CCDC66: variants seen among roughly 807,000 people sequenced by gnomAD.
CCDC66 encodes coiled-coil domain-containing protein 66.
Under a neutral mutation model 128.3 loss-of-function variants are expected in CCDC66, and 133 were observed. The ratio of observed to expected loss-of-function variants is 1.04; its 90% CI spans 0.90 to 1.20. CCDC66 has a LOEUF of 1.20. CCDC66 is among the 50% of genes most tolerant of loss of function. The pLI is 0.00. For missense variants in CCDC66, 1,126 were observed against 1,075.5 expected (o/e 1.05, Z -0.66); for synonymous variants, 387 against 357.0 (o/e 1.08, Z -0.95).
chr3:56,585,750 A>T (rs1311615323), intron 7 of CCDC66, among the ~76,000 whole-genome samples: 1 of 151,838 alleles, frequency 6.6e-6, no homozygotes, highest in Admixed American at 6.6e-5. Context: ...CCTAGACAAG[A>T]TGTTCATTTA....
intron 10 of CCDC66, among the ~76,000 whole-genome samples, chr3:56,605,016 A>C (rs1441452982): frequency 1.3e-5 from 2 of 151,926 alleles, no homozygotes; most frequent in Admixed American, 6.6e-5. Flanking sequence ...TATTTCATTA[A>C]GTTGATCTTC....
chr3:56,586,906 A>C (rs566894177), intron 7 of CCDC66, among the ~76,000 whole-genome samples: 3 of 151,760 alleles, frequency 2.0e-5, no homozygotes, highest in African/African-American at 7.2e-5. Context: ...AAACTAAAAA[A>C]TTAGCCGAGC....
chr3:56,617,059 A>G lies in CCDC66; in HGVS notation c.1844-53A>G, dbSNP rs1249208083. ...TTAATGTTTTGGGGAAAATTATTTA[A>G]TATTGAAAATTTTGTTTACAATTTT... is the stretch of plus-strand genomic sequence containing the variant. On this transcript the variant is annotated intron_variant, in intron 13 of 17. Transcript: ENST00000394672. 20 of 1,319,428 alleles carry G rather than the reference A, an allele frequency of 1.5e-5. No individual in the cohort carries two copies. In the Admixed American group the frequency reaches 3.6e-4, roughly 24 times the overall value. 81.7% of individuals were successfully genotyped at this position (1,319,428 alleles called of 1,614,324 possible). A position where few individuals can be genotyped will look rare whatever the true frequency, so the allele number is the denominator to read the frequency against.
At chr3:56,621,243 G>T in intron 17 of CCDC66, 1 of 229,954 alleles carries the variant, frequency 4.3e-6, no homozygotes, top group Non-Finnish European at 8.4e-6. Context: ...ACTTGGGGGT[G>T]GACTGGGGGA....
chr3:56,585,173 T>A (rs1012606111), intron 7 of CCDC66, among the ~76,000 whole-genome samples: 3 of 151,554 alleles, frequency 2.0e-5, no homozygotes, highest in Non-Finnish European at 4.4e-5. Context: ...AAGAGTTTTT[T>A]AAGAAAATAT....
intron 3 of CCDC66, 77 bp from the exon 4 acceptor site, chr3:56,563,607 T>G (rs2065418919): frequency 1.7e-6 from 2 of 1,202,726 alleles, no homozygotes; most frequent in Non-Finnish European, 2.3e-6. Context: ...GAGGACTGAT[T>G]TATCACAGAT....
At chr3:56,568,516 G>A (rs2066194405) in intron 6 of CCDC66, among the ~76,000 whole-genome samples, 1 of 152,162 alleles carries the variant, frequency 6.6e-6, no homozygotes, top group African/African-American at 2.4e-5. Flanking sequence ...CTTAGGTCGT[G>A]TCTTTTTGTT....
chr3:56,573,477 A>G (rs145436260), intron 7 of CCDC66, among the ~76,000 whole-genome samples: 2 of 152,366 alleles, frequency 1.3e-5, no homozygotes, highest in Non-Finnish European at 2.9e-5. Context: ...TACGTATTTA[A>G]TAAGCATAGA....
chr3:56,558,264 A>G (rs1266949005), intron 1 of CCDC66, among the ~76,000 whole-genome samples: 2 of 152,134 alleles, frequency 1.3e-5, no homozygotes, highest in African/African-American at 4.8e-5. Flanking sequence ...TAGGACCTTA[A>G]CAGACGTTCA....
At chr3:56,592,803 A>G (rs2071159489) in intron 7 of CCDC66, among the ~76,000 whole-genome samples, 167 bp from the exon 8 acceptor site, 1 of 152,206 alleles carries the variant, frequency 6.6e-6, no homozygotes, top group African/African-American at 2.4e-5. Flanking sequence ...GAATCAGAAT[A>G]TATCTACTTA....
intron 2 of CCDC66, 116 bp downstream of exon 2, chr3:56,559,026 A>G (rs1345006534): frequency 3.9e-6 from 3 of 764,564 alleles, no homozygotes; most frequent in Non-Finnish European, 4.1e-6. Flanking sequence ...TATTTTAGAA[A>G]AAGCTGTTTC....
chr3:56,618,062 T>C, intron 14 of CCDC66, 110 bp from the exon 15 acceptor site: 2 of 871,474 alleles, frequency 2.3e-6, no homozygotes, highest in Non-Finnish European at 3.8e-6. Context: ...TCAGTACCTG[T>C]TATTCAAATA....
chr3:56,615,552 A>C (rs906733171), intron 12 of CCDC66: 2 of 354,676 alleles, frequency 5.6e-6, no homozygotes, highest in Non-Finnish European at 1.0e-5. Flanking sequence ...ATGATTGCCT[A>C]TTTTTAATAC....
Position 56,577,921 on chromosome 3 carries a change from A to G in CCDC66, c.936+6619A>G, listed in dbSNP as rs923388498. On this transcript the variant is annotated intron_variant, in intron 7 of 17. Coordinates refer to ENST00000394672, the MANE Select transcript of CCDC66 (RefSeq NM_001141947.3). ...ATTTGGGCTGTTTTTTGATTCCATA[A>G]GAAATTTAAAGTAGTTTTTTCCAAT... Among the ~76,000 whole-genome samples, 26 of 151,726 alleles carry G rather than the reference A, an allele frequency of 1.7e-4. 1 individual carries two copies. The highest frequency in any genetic ancestry group is 1.5e-3 in the Admixed American group (23 of 15,090).
At position 56,566,689 on chromosome 3, in the gene CCDC66, C is replaced by A; in HGVS notation, c.640C>A (p.Pro214Thr). 1 of 1,612,968 alleles carries A rather than the reference C, an allele frequency of 6.2e-7. No homozygotes were observed. The highest frequency in any genetic ancestry group is 8.5e-7 in the Non-Finnish European group (1 of 1,179,132). ...FKKTEMVSSVPAENKSVLNEH... is the reference protein window; with the variant it reads ...FKKTEMVSSVTAENKSVLNEH... ...AAAAACTGAAATGGTTTCATCTGTCCCAGCTGAAAATAAATCTGTCTTAAA... is the reference window on the plus strand; with the variant it reads ...AAAAACTGAAATGGTTTCATCTGTCACAGCTGAAAATAAATCTGTCTTAAA... Residue 214 changes from proline (P) to threonine (T), a missense_variant, in exon 5 of 18, where the codon CCA becomes ACA. Coordinates refer to ENST00000394672, the MANE Select transcript of CCDC66 (RefSeq NM_001141947.3).
intron 7 of CCDC66, among the ~76,000 whole-genome samples, chr3:56,573,708 G>C (rs2066945968): frequency 6.6e-6 from 1 of 151,970 alleles, no homozygotes; most frequent in Admixed American, 6.6e-5. Flanking sequence ...TGAAGGGCTG[G>C]TTTCTGTTTA....
chr3:56,562,540 C>G (rs541360264), intron 3 of CCDC66, among the ~76,000 whole-genome samples: 6 of 152,088 alleles, frequency 3.9e-5, no homozygotes, highest in Non-Finnish European at 7.4e-5. Flanking sequence ...AACTATAAAA[C>G]AATAAAAAAA....
intron 10 of CCDC66, among the ~76,000 whole-genome samples, chr3:56,612,325 G>T (rs2074951421): frequency 6.6e-6 from 1 of 152,096 alleles, no homozygotes; most frequent in Non-Finnish European, 1.5e-5. Flanking sequence ...GGTGGCTTAG[G>T]GTGCAGTTGT....
At chr3:56,584,012 G>A (rs574498898) in intron 7 of CCDC66, among the ~76,000 whole-genome samples, 2 of 81,302 alleles carry the variant, frequency 2.5e-5, no homozygotes, top group Admixed American at 1.1e-4. Flanking sequence ...CTGGCCGGGC[G>A]GGGGGCTGCC....
Sources: allele counts gnomAD v4.1 joint callset (sites outside exome capture counted in the v4.1 genomes callset), GRCh38; gene constraint gnomAD v4.1.1; transcripts MANE v1.5; gene names NCBI Gene and HGNC (gene_info 2026-07-23, HGNC 2026-07-21).